Variants in KDM2B observed in about 807,000 individuals in gnomAD.
KDM2B encodes the protein lysine demethylase 2B.
In KDM2B, 26 loss-of-function variants were observed where a neutral mutation model predicts 150.0. The ratio of observed to expected loss-of-function variants is 0.17; its 90% CI spans 0.13 to 0.24. KDM2B has a LOEUF of 0.24. Ranked by LOEUF, KDM2B falls within the 10% of genes least tolerant of loss-of-function variation. The probability of loss-of-function intolerance (pLI) is 1.00; values close to 1 mark genes in which losing one functional copy is unlikely to be tolerated. For missense variants in KDM2B, 1,265 were observed against 1,816.9 expected (o/e 0.70, Z 5.52); for synonymous variants, 734 against 729.5 (o/e 1.01, Z -0.10).
chr12:121,442,033 G>A lies in KDM2B; in HGVS notation c.3284+124C>T, dbSNP rs1875191521. 6 of 789,974 alleles carry A rather than the reference G, an allele frequency of 7.6e-6. No homozygotes were observed. Among genetic ancestry groups the A allele is most frequent in the South Asian group, 3.4e-5 (2 of 59,506 alleles). 48.9% of individuals were successfully genotyped at this position (789,974 alleles called of 1,614,324 possible). A position where few individuals can be genotyped will look rare whatever the true frequency, so the allele number is the denominator to read the frequency against. On this transcript the variant is annotated intron_variant, in intron 19 of 22. Coordinates refer to ENST00000377071, the MANE Select transcript of KDM2B (RefSeq NM_032590.5). This position sits in a 1 kb window ranked among gnomAD's most constrained non-coding sequence, Gnocchi z 7.7. ...GCTGTAGCCAGCTGGAACGCTTTGC[G>A]GAGCACAATGAAGCCATACTGGGGT...
chr12:121,477,736 C>G (rs7132535), intron 12 of KDM2B, among the ~76,000 whole-genome samples: 3,902 of 152,024 alleles, frequency 0.026, 154 homozygotes, highest in East Asian at 0.081. Context: ...TGCCACCACA[C>G]CCAGCTAATT....
At chr12:121,535,326 G>A (rs1288189052) in intron 6 of KDM2B, among the ~76,000 whole-genome samples, 1 of 152,116 alleles carries the variant, frequency 6.6e-6, no homozygotes, top group Non-Finnish European at 1.5e-5. Context: ...AGACCAAGCG[G>A]TGTCTGGTCC....
At chr12:121,562,411 G>A (rs1890409299) in intron 4 of KDM2B, among the ~76,000 whole-genome samples, 1 of 152,136 alleles carries the variant, frequency 6.6e-6, no homozygotes, top group Non-Finnish European at 1.5e-5. Context: ...TTGAACCTGG[G>A]AGGCGGAAGT....
intron 12 of KDM2B, among the ~76,000 whole-genome samples, chr12:121,478,858 T>G (rs1313844212): frequency 3.2e-5 from 1 of 30,938 alleles, no homozygotes; most frequent in Non-Finnish European, 6.4e-5. Flanking sequence ...CGGCTAATTT[T>G]TGTTTGTTTG....
At chr12:121,437,814 C>T (rs1874259064) in intron 22 of KDM2B, among the ~76,000 whole-genome samples, 2 of 152,180 alleles carry the variant, frequency 1.3e-5, no homozygotes, top group African/African-American at 4.8e-5. Context: ...AGACTTATTT[C>T]CCATCTCTGG....
At chr12:121,466,699 G>A (rs1221280220) in intron 12 of KDM2B, among the ~76,000 whole-genome samples, 1 of 150,600 alleles carries the variant, frequency 6.6e-6, no homozygotes, top group African/African-American at 2.4e-5. Context: ...GAAGCCGAGG[G>A]TCCTGGCACA....
chr12:121,579,989 G>GAAAAAAAAA, intron 1 of KDM2B: 2 of 1,208,352 alleles, frequency 1.7e-6, no homozygotes, highest in Non-Finnish European at 2.1e-6. Context: ...TACAGATTTG[G>GAAAAAAAAA]AAAAAAAAAA....
At chr12:121,412,121 G>T in the KDM2B span, among the ~76,000 whole-genome samples, 1 of 151,864 alleles carries the variant, frequency 6.6e-6, no homozygotes, top group Non-Finnish European at 1.5e-5. Context: ...GAGTGCAGTG[G>T]CGCAATCTTG....
At chr12:121,512,227 G>T (rs1248232109) in intron 10 of KDM2B, among the ~76,000 whole-genome samples, 1 of 152,020 alleles carries the variant, frequency 6.6e-6, no homozygotes, top group Non-Finnish European at 1.5e-5. Flanking sequence ...CAGGTTGTAG[G>T]GTTTCGGGAC....
intron 4 of KDM2B, among the ~76,000 whole-genome samples, chr12:121,550,982 G>T (rs1889442925): frequency 6.6e-6 from 1 of 152,138 alleles, no homozygotes; most frequent in South Asian, 2.1e-4. Flanking sequence ...ATTGTATAGG[G>T]CTGGCTCCGT....
chr12:121,476,486 TA>T (rs1319411959), intron 12 of KDM2B, among the ~76,000 whole-genome samples: 39 of 143,162 alleles, frequency 2.7e-4, no homozygotes, highest in Non-Finnish European at 3.2e-4. Context: ...TTTTTGTTTT[TA>T]AAAAAAAAAA....
At chr12:121,540,021 T>C (rs1232689652) in intron 6 of KDM2B, among the ~76,000 whole-genome samples, 1 of 152,162 alleles carries the variant, frequency 6.6e-6, no homozygotes, top group Non-Finnish European at 1.5e-5. Context: ...ATCACAGACA[T>C]GAGCCACCGC....
chr12:121,417,674 A>G, the KDM2B span: 1 of 1,614,054 alleles, frequency 6.2e-7, no homozygotes, highest in African/African-American at 1.3e-5. The surrounding 1 kb of genome is among the most constrained non-coding windows in gnomAD (Gnocchi z 5.0). Flanking sequence ...TGAGAAATAT[A>G]CCCATAGATA....
rs1405657319 is a variant in KDM2B at position 121,494,975 on chromosome 12, C to T, written c.1648-310G>A. Among the ~76,000 whole-genome samples the T allele has an allele frequency of 6.6e-5, 10 of 151,470 alleles. No homozygotes were observed. In the East Asian group the frequency reaches 7.7e-4, roughly 12 times the overall value. On this transcript the variant is annotated intron_variant, in intron 11 of 22. Transcript: ENST00000377071. ...GACATCTAGCACTTGTCCAGAGCGT[C>T]GGGGACTCACACACAAACTTTTTCT...
intron 6 of KDM2B, among the ~76,000 whole-genome samples, chr12:121,543,166 C>G (rs565207788): frequency 6.6e-6 from 1 of 151,852 alleles, no homozygotes; most frequent in Non-Finnish European, 1.5e-5. Flanking sequence ...ACCAACTTGG[C>G]CAACATGGCG....
rs1555285154 is a variant in KDM2B, at chr12:121,430,241, C to G, written c.*47G>C. 4 of 1,614,104 alleles carry G rather than the reference C, an allele frequency of 2.5e-6. No homozygotes were observed. Among genetic ancestry groups the G allele is most frequent in the South Asian group, 1.1e-5 (1 of 91,088 alleles). On this transcript the variant is annotated 3_prime_UTR_variant, in exon 23 of 23. Coordinates refer to ENST00000377071, the MANE Select transcript of KDM2B (RefSeq NM_032590.5). This position sits in a 1 kb window ranked among gnomAD's most constrained non-coding sequence, Gnocchi z 4.4. ...ATAAAAGCCCTCATTTTTGTAAAGT[C>G]TCTCCCCTCCCAGAGCCCGCCCCGT... is the stretch of plus-strand genomic sequence containing the variant.
Position 121,453,344 on chromosome 12 carries a change from T to C in KDM2B, c.1735A>G (p.Asn579Asp), listed in dbSNP as rs1555292137. 1 of 1,569,146 alleles carries C rather than the reference T, an allele frequency of 6.4e-7. No individual in the cohort carries two copies. The highest frequency in any genetic ancestry group is 8.6e-7 in the Non-Finnish European group (1 of 1,156,782). The change falls in exon 13 of 23, where the codon AAC (asparagine) becomes GAC (aspartate). Residue 579 changes from asparagine (N) to aspartate (D), a missense_variant and splice_region_variant. Asn to Asp is a conservative substitution (Grantham distance 23). Coordinates refer to ENST00000377071, the MANE Select transcript of KDM2B (RefSeq NM_032590.5). This position sits in a 1 kb window ranked among gnomAD's most constrained non-coding sequence, Gnocchi z 6.4. ...VVTWPKKTPKNRAVGRPKGKL... is the reference protein window; with the variant it reads ...VVTWPKKTPKDRAVGRPKGKL... Reference sequence around the variant, plus strand: ...CCCTTGGGCCGACCCACAGCCCGGTTCTGCAGGGGAACAGACACGACTGGT... The same window carrying C: ...CCCTTGGGCCGACCCACAGCCCGGTCCTGCAGGGGAACAGACACGACTGGT...
the KDM2B span, among the ~76,000 whole-genome samples, chr12:121,414,275 A>G: frequency 6.6e-6 from 1 of 152,268 alleles, no homozygotes; most frequent in Non-Finnish European, 1.5e-5. Flanking sequence ...CTATCACATT[A>G]TCTAGATTCT....
intron 6 of KDM2B, among the ~76,000 whole-genome samples, chr12:121,547,369 AAGAG>A (rs201645439): frequency 1.3e-5 from 2 of 151,464 alleles, no homozygotes; most frequent in Non-Finnish European, 3.0e-5. Context: ...TAATTAAAGA[AAGAG>A]AGAGAGAGAG....
Sources: allele counts gnomAD v4.1 joint callset (sites outside exome capture counted in the v4.1 genomes callset), GRCh38; gene constraint gnomAD v4.1.1; non-coding constraint Gnocchi (gnomAD v3.1); transcripts MANE v1.5; gene names NCBI Gene and HGNC (gene_info 2026-07-23, HGNC 2026-07-21).